PRKG1: variants seen among roughly 807,000 people sequenced by gnomAD.
PRKG1 encodes cGMP-dependent protein kinase 1.
PRKG1 carries 35 observed loss-of-function variants against 88.1 expected under a neutral mutation model. That is an observed-to-expected ratio of 0.40 (90% confidence interval 0.30 to 0.53). PRKG1 has a LOEUF of 0.53. Ranked by LOEUF, PRKG1 falls within the 20% of genes least tolerant of loss-of-function variation. The pLI is 0.59. For synonymous variants in PRKG1, 303 were observed against 292.5 expected (o/e 1.04, Z -0.37); for missense variants, 540 against 839.8 (o/e 0.64, Z 4.41).
intron 3 of PRKG1, among the ~76,000 whole-genome samples, chr10:51,554,047 C>A (rs1021208073): frequency 8.7e-6 from 1 of 115,168 alleles, no homozygotes; most frequent in Non-Finnish European, 1.8e-5. Context: ...ATTATATGTG[C>A]GTATGTGATA....
chr10:52,135,151 A>G (rs562548938), intron 8 of PRKG1, among the ~76,000 whole-genome samples: 23 of 152,144 alleles, frequency 1.5e-4, no homozygotes, highest in Non-Finnish European at 2.5e-4. Context: ...GGGAATTCAG[A>G]AAAGAGAGTG....
At chr10:52,202,925 G>A (rs1839714793) in intron 9 of PRKG1, among the ~76,000 whole-genome samples, 1 of 151,660 alleles carries the variant, frequency 6.6e-6, no homozygotes. Context: ...CTTTTCTCTA[G>A]CTAGTGGTCT....
intron 1 of PRKG1, among the ~76,000 whole-genome samples, chr10:51,104,471 A>T (rs1039529726): frequency 1.3e-5 from 2 of 152,200 alleles, no homozygotes; most frequent in African/African-American, 4.8e-5. Flanking sequence ...CACTGAGAGG[A>T]AGTGGAAAGC....
At chr10:51,947,836 TCATC>T (rs59665311) in intron 5 of PRKG1, among the ~76,000 whole-genome samples, 4,164 of 152,098 alleles carry the variant, frequency 0.027, 194 homozygotes, top group African/African-American at 0.095. Context: ...AGTCTGAACT[TCATC>T]CAGTGAATAT....
intron 3 of PRKG1, among the ~76,000 whole-genome samples, chr10:51,486,748 A>C (rs569053124): frequency 6.6e-6 from 1 of 152,302 alleles, no homozygotes; most frequent in South Asian, 2.1e-4. Context: ...TACCATCATT[A>C]ACAATTTAGG....
At chr10:51,660,213 T>C (rs7900152) in intron 3 of PRKG1, among the ~76,000 whole-genome samples, 14 of 151,196 alleles carry the variant, frequency 9.3e-5, no homozygotes, top group Admixed American at 7.3e-4. Flanking sequence ...CTGAACAAGA[T>C]GGTTAGAATT....
rs10999701 is a variant in PRKG1, at chr10:51,835,829, G to C, written c.698+31139G>C. 3.1e-3 allele frequency among the ~76,000 whole-genome samples: 475 copies of C among 152,164 alleles called. 3 individuals are homozygous for C. The highest frequency in any genetic ancestry group is 0.011 in the African/African-American group (453 of 41,534). On this transcript the variant is annotated intron_variant, in intron 4 of 17. Coordinates refer to ENST00000373980, the MANE Select transcript of PRKG1 (RefSeq NM_006258.4). The stretch of plus-strand genomic sequence containing the variant: ...AACCTCCATACTGTTTTCTATGATG[G>C]ATATAGTAATTCACATTCCTGCCAA...
intron 5 of PRKG1, among the ~76,000 whole-genome samples, chr10:51,944,030 T>G (rs2133036615): frequency 6.6e-6 from 1 of 152,164 alleles, no homozygotes; most frequent in Non-Finnish European, 1.5e-5. Context: ...GAAGGAATGG[T>G]ACCAGTTCCT....
At chr10:51,004,534 T>C (rs1478768612) in intron 1 of PRKG1, among the ~76,000 whole-genome samples, 1 of 152,062 alleles carries the variant, frequency 6.6e-6, no homozygotes, top group Non-Finnish European at 1.5e-5. Context: ...ACAAAATTAA[T>C]TTTCTACATT....
intron 4 of PRKG1, among the ~76,000 whole-genome samples, chr10:51,807,195 G>A (rs12414027): frequency 9.9e-5 from 15 of 152,266 alleles, no homozygotes; most frequent in Admixed American, 9.8e-4. Flanking sequence ...AGTGAGTACA[G>A]AGCCAGTACA....
chr10:52,137,871 T>C (rs1315721900), intron 8 of PRKG1, among the ~76,000 whole-genome samples: 1 of 152,164 alleles, frequency 6.6e-6, no homozygotes, highest in Admixed American at 6.6e-5. Context: ...CAATGTCTGC[T>C]TATTCACCGT....
intron 1 of PRKG1, among the ~76,000 whole-genome samples, chr10:51,031,762 C>A (rs1843286998): frequency 6.6e-6 from 1 of 152,148 alleles, no homozygotes; most frequent in Admixed American, 6.5e-5. Flanking sequence ...CCTTCCCATG[C>A]TCTTTTCTTG....
At chr10:51,354,543 A>G (rs1027602651) in intron 2 of PRKG1, among the ~76,000 whole-genome samples, 2 of 152,134 alleles carry the variant, frequency 1.3e-5, no homozygotes, top group African/African-American at 4.8e-5. Flanking sequence ...AAACTTCCAT[A>G]TATAATTATA....
chr10:51,564,630 A>G (rs1284432093), intron 3 of PRKG1, among the ~76,000 whole-genome samples: 4 of 152,104 alleles, frequency 2.6e-5, no homozygotes, highest in African/African-American at 9.7e-5. Context: ...GCTTCAAGAT[A>G]TTAAGTGTTT....
At chr10:52,244,100 C>T (rs1840939488) in intron 9 of PRKG1, among the ~76,000 whole-genome samples, 1 of 152,076 alleles carries the variant, frequency 6.6e-6, no homozygotes, top group African/African-American at 2.4e-5. Context: ...TAAGTTATTC[C>T]TTCCACTGCT....
intron 5 of PRKG1, among the ~76,000 whole-genome samples, chr10:51,949,793 C>T (rs775428418): frequency 6.6e-6 from 1 of 152,138 alleles, no homozygotes; most frequent in East Asian, 1.9e-4. Flanking sequence ...CATGAATAGC[C>T]TCATTTTACT....
intron 2 of PRKG1, among the ~76,000 whole-genome samples, chr10:51,400,521 C>T (rs1427966960): frequency 6.6e-6 from 1 of 152,112 alleles, no homozygotes; most frequent in African/African-American, 2.4e-5. Context: ...TTTTAGAGCT[C>T]CTCTGATTCA....
At chr10:51,134,373 A>T (rs1159806458) in intron 1 of PRKG1, among the ~76,000 whole-genome samples, 3 of 152,188 alleles carry the variant, frequency 2.0e-5, no homozygotes, top group African/African-American at 7.2e-5. Flanking sequence ...CATTTTTAAA[A>T]TCAGGGATTG....
At chr10:51,791,919 A>C (rs1285051194) in intron 3 of PRKG1, among the ~76,000 whole-genome samples, 1 of 152,146 alleles carries the variant, frequency 6.6e-6, no homozygotes, top group African/African-American at 2.4e-5. Context: ...ATTGACTGAA[A>C]TATGTTATGT....
Sources: allele counts gnomAD v4.1 joint callset (sites outside exome capture counted in the v4.1 genomes callset), GRCh38; gene constraint gnomAD v4.1.1; transcripts MANE v1.5; gene names NCBI Gene and HGNC (gene_info 2026-07-23, HGNC 2026-07-21).